Variants in ATXN10 observed in about 807,000 individuals in gnomAD.
ATXN10 encodes ataxin 10.
ATXN10 carries 28 observed loss-of-function variants against 52.9 expected under a neutral mutation model. The ratio of observed to expected loss-of-function variants is 0.53; its 90% CI spans 0.39 to 0.73. The LOEUF is 0.73. Among genes scored for constraint, ATXN10 ranks in the 30% least tolerant of loss-of-function variants. The pLI, the probability that ATXN10 is intolerant of heterozygous loss-of-function variation, is 0.00. For missense variants in ATXN10, 565 were observed against 577.0 expected, an observed-to-expected ratio of 0.98 and a Z score of 0.21; for synonymous variants, 226 against 221.5, an observed-to-expected ratio of 1.02 and a Z score of -0.18.
intron 5 of ATXN10, among the ~76,000 whole-genome samples, chr22:45,711,240 A>G (rs1024689433): frequency 3.3e-5 from 5 of 151,844 alleles, no homozygotes; most frequent in Non-Finnish European, 7.4e-5. Flanking sequence ...CATGGTAATT[A>G]TAGCAGAGTG....
At chr22:45,693,882 G>A (rs1923481531) in intron 3 of ATXN10, among the ~76,000 whole-genome samples, 2 of 152,270 alleles carry the variant, frequency 1.3e-5, no homozygotes, top group Non-Finnish European at 2.9e-5. Context: ...TCGACACCTT[G>A]ATCTTGGACC....
rs1925115437 is a variant in ATXN10, at chr22:45,732,226, G to C, written c.894+2636G>C. ...CAATACTTTGGGACGCCAAGGCGTGGGAGGATTGCTTAAGCCCAGGAGTTG... is the reference window on the plus strand; with the variant it reads ...CAATACTTTGGGACGCCAAGGCGTGCGAGGATTGCTTAAGCCCAGGAGTTG... On this transcript the variant is annotated intron_variant, in intron 7 of 11. Transcript: ENST00000252934. The surrounding 1 kb of genome is among the most constrained non-coding windows in gnomAD (Gnocchi z 4.5). Among the ~76,000 whole-genome samples the C allele has an allele frequency of 6.6e-6, 1 of 152,164 alleles. No individual in the cohort carries two copies. Among genetic ancestry groups the C allele is most frequent in the Admixed American group, 6.5e-5 (1 of 15,278 alleles).
intron 5 of ATXN10, among the ~76,000 whole-genome samples, chr22:45,714,448 A>G (rs1414315291): frequency 6.6e-6 from 1 of 152,000 alleles, no homozygotes; most frequent in East Asian, 1.9e-4. Context: ...TGGTGCAATC[A>G]TGGCTCACTG....
chr22:45,774,109 C>T lies in ATXN10; in HGVS notation c.1174-32850C>T, dbSNP rs962202692. Among the ~76,000 whole-genome samples, 1 of 152,246 alleles carries T rather than the reference C, an allele frequency of 6.6e-6. No individual in the cohort carries two copies. Among genetic ancestry groups the T allele is most frequent in the Non-Finnish European group, 1.5e-5 (1 of 68,048 alleles). ...TGTGCTTCAGCCAGCACCATTTCAGCATGTGCATGTGTGCGCTGGCACTCT... is the reference window on the plus strand; with the variant it reads ...TGTGCTTCAGCCAGCACCATTTCAGTATGTGCATGTGTGCGCTGGCACTCT... On this transcript the variant is annotated intron_variant, in intron 9 of 11. Transcript: ENST00000252934. The surrounding 1 kb of genome is among the most constrained non-coding windows in gnomAD (Gnocchi z 6.2).
chr22:45,678,326 C>G lies in ATXN10; in HGVS notation c.116+6147C>G, dbSNP rs563401106. ...GCTTTAAGTGGGTGACTTTAGTGTG[C>G]CACGTGAACCCTATCTCAATAGTGC... is the stretch of plus-strand genomic sequence containing the variant. On this transcript the variant is annotated intron_variant, in intron 1 of 11. Transcript: ENST00000252934. This position sits in a 1 kb window ranked among gnomAD's most constrained non-coding sequence, Gnocchi z 4.1. 1 of 152,142 alleles carries G rather than the reference C, an allele frequency of 6.6e-6. No individual in the cohort carries two copies. The highest frequency in any genetic ancestry group is 2.4e-5 in the African/African-American group (1 of 41,412). 9.4% of individuals were successfully genotyped at this position (152,142 alleles called of 1,614,324 possible).
rs916057863 is a variant in ATXN10, at chr22:45,744,710, A to G, written c.1173+4172A>G. The G allele has an allele frequency of 6.6e-6, 1 of 152,220 alleles. No individual in the cohort carries two copies. Among genetic ancestry groups the G allele is most frequent in the Non-Finnish European group, 1.5e-5 (1 of 68,068 alleles). The allele number at this position is 152,220 out of a possible 1,614,324, so 9.4% of individuals were successfully genotyped here. A position where few individuals can be genotyped will look rare whatever the true frequency, so the allele number is the denominator to read the frequency against. ...CCTCTGGGCTGGCTGTGCCAGGAGC[A>G]TTTCTCTCTAAGGACAGGCACTGGA... is the stretch of plus-strand genomic sequence containing the variant. On this transcript the variant is annotated intron_variant, in intron 9 of 11. Transcript: ENST00000252934. This position sits in a 1 kb window ranked among gnomAD's most constrained non-coding sequence, Gnocchi z 4.9.
chr22:45,693,765 A>T (rs1923476425), intron 3 of ATXN10, among the ~76,000 whole-genome samples: 1 of 152,188 alleles, frequency 6.6e-6, no homozygotes, highest in African/African-American at 2.4e-5. Context: ...TTATAGGAAG[A>T]GGAAATTAGG....
chr22:45,746,487 C>A (rs1414080753), intron 9 of ATXN10, among the ~76,000 whole-genome samples: 4 of 151,980 alleles, frequency 2.6e-5, no homozygotes, highest in African/African-American at 7.3e-5. Flanking sequence ...TTGTCAGTTA[C>A]TCGGATAATT....
chr22:45,756,001 A>G (rs1462048884), intron 9 of ATXN10, among the ~76,000 whole-genome samples: 1 of 152,042 alleles, frequency 6.6e-6, no homozygotes, highest in African/African-American at 2.4e-5. Flanking sequence ...ATAGCCACCC[A>G]CCCACCTCCT....
At chr22:45,680,254 T>TA (rs1196194927) in intron 1 of ATXN10, 1 of 152,216 alleles carries the variant, frequency 6.6e-6, no homozygotes, top group East Asian at 1.9e-4. Flanking sequence ...GTTTAAGTGT[T>TA]AGCGTTTTCG....
At chr22:45,698,640 T>C (rs1023782704) in intron 3 of ATXN10, among the ~76,000 whole-genome samples, 7 of 152,230 alleles carry the variant, frequency 4.6e-5, no homozygotes, top group Non-Finnish European at 8.8e-5. Context: ...TTCAGTTGTG[T>C]TCCTATTTAG....
chr22:45,751,306 A>G, intron 9 of ATXN10, among the ~76,000 whole-genome samples: 1 of 152,124 alleles, frequency 6.6e-6, no homozygotes, highest in Admixed American at 6.5e-5. Flanking sequence ...AGCAATGACA[A>G]TTTCAATTAT....
intron 5 of ATXN10, among the ~76,000 whole-genome samples, chr22:45,707,703 C>T (rs929604413): frequency 4.0e-5 from 6 of 150,710 alleles, no homozygotes; most frequent in African/African-American, 1.5e-4. Context: ...TTAGAGACCA[C>T]TAGAAGGAAT....
intron 9 of ATXN10, among the ~76,000 whole-genome samples, chr22:45,753,035 A>C (rs537084273): frequency 6.6e-6 from 1 of 152,148 alleles, no homozygotes; most frequent in Admixed American, 6.5e-5. Flanking sequence ...TGCCCGGCTG[A>C]TCAACTTATT....
intron 9 of ATXN10, among the ~76,000 whole-genome samples, chr22:45,802,734 C>A (rs1927969118): frequency 6.6e-6 from 1 of 152,170 alleles, no homozygotes; most frequent in Non-Finnish European, 1.5e-5. Flanking sequence ...ACCTTTATTG[C>A]CTGCTTAAAT....
chr22:45,793,798 CT>C, intron 9 of ATXN10: 1 of 1,317,156 alleles, frequency 7.6e-7, no homozygotes. Context: ...CAAATTGGGA[CT>C]TAGCCTGGGA....
At chr22:45,799,156 C>T (rs199647480) in intron 9 of ATXN10, among the ~76,000 whole-genome samples, 404 of 152,076 alleles carry the variant, frequency 2.7e-3, no homozygotes, top group Non-Finnish European at 3.8e-3. Flanking sequence ...CTGCAACCCC[C>T]GCCTCCCGGG....
intron 6 of ATXN10, among the ~76,000 whole-genome samples, chr22:45,722,807 A>G (rs1025527454): frequency 6.6e-6 from 1 of 152,044 alleles, no homozygotes; most frequent in Non-Finnish European, 1.5e-5. Flanking sequence ...CCCATTTGGG[A>G]TCTGCCCCTG....
At chr22:45,746,647 C>G (rs1925738799) in intron 9 of ATXN10, among the ~76,000 whole-genome samples, 1 of 150,784 alleles carries the variant, frequency 6.6e-6, no homozygotes, top group Non-Finnish European at 1.5e-5. Context: ...TATACTAGCA[C>G]TGTGTGGACT....
Sources: gnomAD v4.1 joint callset for allele counts (sites outside exome capture counted in the v4.1 genomes callset) on GRCh38, gnomAD v4.1.1 for gene constraint, Gnocchi (gnomAD v3.1) non-coding constraint, MANE v1.5 for transcripts, NCBI Gene and HGNC (gene_info 2026-07-23, HGNC 2026-07-21) for gene names.